The following ANOS1 variants were observed in gnomAD, a reference collection of about 807,000 sequenced individuals.
ANOS1 encodes the protein anosmin-1.
In ANOS1, 6 loss-of-function variants were observed where a neutral mutation model predicts 59.0. The ratio of observed to expected loss-of-function variants is 0.10; its 90% CI spans 0.06 to 0.20. ANOS1 has a LOEUF of 0.20. Among genes scored for constraint, ANOS1 ranks in the 10% least tolerant of loss-of-function variants. The pLI is 1.00. For missense variants in ANOS1, 433 were observed against 542.3 expected (o/e 0.80, Z 2.00); for synonymous variants, 217 against 223.4 (o/e 0.97, Z 0.25).
intron 3 of ANOS1, among the ~76,000 whole-genome samples, chrX:8,602,807 C>T (rs1221368460): frequency 9.0e-6 from 1 of 110,984 alleles, no homozygotes; most frequent in Non-Finnish European, 1.9e-5. Flanking sequence ...TGCATGATCT[C>T]GGCTCACTGC....
chrX:8,614,784 T>A (rs947398763), intron 3 of ANOS1, among the ~76,000 whole-genome samples: 1 of 82,137 alleles, frequency 1.2e-5, no homozygotes, highest in Admixed American at 1.3e-4. Flanking sequence ...TAATCTCCAG[T>A]CTTGGTCCCA....
intron 2 of ANOS1, among the ~76,000 whole-genome samples, chrX:8,672,012 C>A (rs1377502372): frequency 9.0e-6 from 1 of 110,860 alleles, no homozygotes; most frequent in Non-Finnish European, 1.9e-5. Flanking sequence ...ATTTCTTGAC[C>A]TTACTCCTCC....
At chrX:8,533,934 A>C (rs1193146551) in intron 13 of ANOS1, among the ~76,000 whole-genome samples, 1 of 108,871 alleles carries the variant, frequency 9.2e-6, no homozygotes, top group African/African-American at 3.3e-5. Context: ...CATGCATTAC[A>C]TAGGGGAAAA....
intron 2 of ANOS1, among the ~76,000 whole-genome samples, chrX:8,687,460 TA>T (rs369701711): frequency 0.012 from 1,216 of 103,089 alleles, 18 homozygotes; most frequent in African/African-American, 0.038. Flanking sequence ...ACATAAATAT[TA>T]AAAAAAAAAG....
chrX:8,701,181 C>G (rs1348878935), intron 1 of ANOS1, among the ~76,000 whole-genome samples: 3 of 110,050 alleles, frequency 2.7e-5, no homozygotes, highest in African/African-American at 9.9e-5. Context: ...GAAACCATCA[C>G]CCAATAGCTA....
At chrX:8,632,602 T>C (rs1174891102) in intron 2 of ANOS1, among the ~76,000 whole-genome samples, 1 of 111,851 alleles carries the variant, frequency 8.9e-6, no homozygotes, top group Non-Finnish European at 1.9e-5. Context: ...TGTGGTAATA[T>C]TCTGTGTGTG....
intron 8 of ANOS1, among the ~76,000 whole-genome samples, chrX:8,555,405 C>A: frequency 9.0e-6 from 1 of 110,988 alleles, no homozygotes; most frequent in Non-Finnish European, 1.9e-5. Flanking sequence ...GAGATAGAGA[C>A]ACAAAAAACC....
chrX:8,685,037 C>A (rs939812757), intron 2 of ANOS1, among the ~76,000 whole-genome samples: 4 of 110,809 alleles, frequency 3.6e-5, no homozygotes, highest in African/African-American at 1.3e-4. Flanking sequence ...GTCCTGGCCC[C>A]TGCGGCTCTC....
At position 8,599,039 on chromosome X, in the gene ANOS1, A is replaced by G. The variant is rs148413206; in HGVS notation, c.319-1783T>C. Among the ~76,000 whole-genome samples the G allele has an allele frequency of 9.2e-4, 103 of 111,519 alleles. 2 individuals are homozygous for G. In the East Asian group the frequency reaches 0.018, roughly 20 times the overall value. ...GAGGGAATGGTGGGGCCACAGGAGG[A>G]GAGACGCCAGAATGCTGTCTGCCCA... is the stretch of plus-strand genomic sequence containing the variant. On this transcript the variant is annotated intron_variant, in intron 3 of 13. Coordinates refer to ENST00000262648, the MANE Select transcript of ANOS1 (RefSeq NM_000216.4).
chrX:8,565,892 CAA>C, intron 8 of ANOS1: 1 of 460,172 alleles, frequency 2.2e-6, no homozygotes, highest in Non-Finnish European at 2.7e-6. Flanking sequence ...CTCTGGAGTT[CAA>C]AGAGTGGTCA....
intron 6 of ANOS1, among the ~76,000 whole-genome samples, chrX:8,577,435 CCTT>C (rs1401817412): frequency 9.0e-6 from 1 of 111,509 alleles, no homozygotes; most frequent in Non-Finnish European, 1.9e-5. Flanking sequence ...CCAACTCCCT[CCTT>C]ATGATCTTCA....
At chrX:8,664,384 G>A (rs1251319887) in intron 2 of ANOS1, among the ~76,000 whole-genome samples, 1 of 110,154 alleles carries the variant, frequency 9.1e-6, no homozygotes. Flanking sequence ...TAGTAGAGAC[G>A]GGGTTTCACC....
chrX:8,712,711 C>G (rs1932819409), intron 1 of ANOS1, among the ~76,000 whole-genome samples: 1 of 112,429 alleles, frequency 8.9e-6, no homozygotes, highest in Non-Finnish European at 1.9e-5. Context: ...GTACTTCAAT[C>G]TGACAGCAAG....
intron 2 of ANOS1, among the ~76,000 whole-genome samples, chrX:8,679,767 T>C (rs1349683955): frequency 1.8e-5 from 2 of 111,399 alleles, no homozygotes; most frequent in African/African-American, 3.3e-5. Flanking sequence ...CACTCAAAAA[T>C]AGCTCTCACG....
intron 1 of ANOS1, among the ~76,000 whole-genome samples, chrX:8,724,697 TCAA>T (rs923239830): frequency 9.0e-6 from 1 of 111,712 alleles, no homozygotes; most frequent in African/African-American, 3.3e-5. Context: ...AGGCAAGAGG[TCAA>T]CAACTGCATC....
At chrX:8,573,340 G>A (rs1424133921) in intron 6 of ANOS1, among the ~76,000 whole-genome samples, 1 of 111,185 alleles carries the variant, frequency 9.0e-6, no homozygotes, top group African/African-American at 3.3e-5. Context: ...TGGGATTACA[G>A]ATGTGAGCCA....
chrX:8,642,814 A>T (rs1931687645), intron 2 of ANOS1, among the ~76,000 whole-genome samples: 1 of 111,722 alleles, frequency 9.0e-6, no homozygotes, highest in Non-Finnish European at 1.9e-5. Flanking sequence ...AGTTGCAGCC[A>T]GAAAAATGCA....
chrX:8,725,555 TATATATACAGATATAC>T (rs1412988972), intron 1 of ANOS1, among the ~76,000 whole-genome samples: 6 of 86,287 alleles, frequency 7.0e-5, no homozygotes, highest in South Asian at 9.6e-4. Flanking sequence ...TATACAGATA[TATATATACAGATATAC>T]ATATATACAG....
intron 2 of ANOS1, among the ~76,000 whole-genome samples, chrX:8,696,932 G>A (rs1272066842): frequency 8.9e-6 from 1 of 112,537 alleles, no homozygotes; most frequent in Non-Finnish European, 1.9e-5. Flanking sequence ...GTTGAGTGGT[G>A]CAGGGGCTAA....
Sources: gnomAD v4.1 joint callset for allele counts (sites outside exome capture counted in the v4.1 genomes callset) on GRCh38, gnomAD v4.1.1 for gene constraint, MANE v1.5 for transcripts, NCBI Gene and HGNC (gene_info 2026-07-23, HGNC 2026-07-21) for gene names.